FAM219A: variants seen among roughly 807,000 people sequenced by gnomAD.
The protein encoded by FAM219A is family with sequence similarity 219 member A, also known as protein FAM219A.
FAM219A carries 7 observed loss-of-function variants against 23.4 expected under a neutral mutation model. The ratio of observed to expected loss-of-function variants is 0.30; its 90% CI spans 0.17 to 0.56. The LOEUF is 0.56. Ranked by LOEUF, FAM219A falls within the 20% of genes least tolerant of loss-of-function variation. The pLI is 0.92. For synonymous variants in FAM219A, 93 were observed against 99.0 expected (o/e 0.94, Z 0.36); for missense variants, 166 against 246.9 (o/e 0.67, Z 2.20).
intron 1 of FAM219A, among the ~76,000 whole-genome samples, chr9:34,432,019 G>T (rs138363996): frequency 8.5e-5 from 13 of 152,242 alleles, no homozygotes; most frequent in African/African-American, 3.1e-4. Context: ...AATCTCTCTG[G>T]GTCTCAGTGT....
At chr9:34,416,298 G>GGAAGGAAGGAAGGAAA (rs1822025872) in intron 1 of FAM219A, among the ~76,000 whole-genome samples, 1 of 118,138 alleles carries the variant, frequency 8.5e-6, no homozygotes, top group Admixed American at 8.6e-5. Flanking sequence ...AAGGAAGGAA[G>GGAAGGAAGGAAGGAAA]GAAGGAAGGA....
Position 34,398,515 on chromosome 9 carries a change from G to A in FAM219A, c.*2449C>T. 1.3e-6 allele frequency: 1 copy of A among 752,858 alleles called. No homozygotes were observed. The highest frequency in any genetic ancestry group is 1.8e-5 in the South Asian group (1 of 56,304). The allele number at this position is 752,858 out of a possible 1,614,324, so 46.6% of individuals were successfully genotyped here. A position where few individuals can be genotyped will look rare whatever the true frequency, so the allele number is the denominator to read the frequency against. ...CAGAAGCTGCCACTGCCAGCTTCCTGCCTCTCTCTGCCACACATGCACTGC... is the reference window on the plus strand; with the variant it reads ...CAGAAGCTGCCACTGCCAGCTTCCTACCTCTCTCTGCCACACATGCACTGC... On this transcript the variant is annotated 3_prime_UTR_variant, in exon 6 of 6. Coordinates refer to ENST00000651358, the MANE Select transcript of FAM219A (RefSeq NM_001184940.2).
At chr9:34,420,703 G>A (rs1490546409) in intron 1 of FAM219A, among the ~76,000 whole-genome samples, 3 of 152,122 alleles carry the variant, frequency 2.0e-5, no homozygotes, top group Admixed American at 2.0e-4. Context: ...GACCAGGCGT[G>A]GTGGCTCATG....
chr9:34,455,465 A>ATTTTT (rs11394221), intron 1 of FAM219A, among the ~76,000 whole-genome samples: 19 of 129,684 alleles, frequency 1.5e-4, no homozygotes, highest in South Asian at 2.5e-4. Flanking sequence ...TGCTATCTTG[A>ATTTTT]TTTTTTTTTT....
intron 1 of FAM219A, among the ~76,000 whole-genome samples, chr9:34,445,408 G>A (rs1823331682): frequency 6.6e-6 from 1 of 152,214 alleles, no homozygotes; most frequent in South Asian, 2.1e-4. Context: ...CTTAGGGATT[G>A]GTTAAGAGCT....
chr9:34,438,741 C>T (rs1323207658), intron 1 of FAM219A, among the ~76,000 whole-genome samples: 9 of 152,096 alleles, frequency 5.9e-5, no homozygotes, highest in South Asian at 2.1e-4. Flanking sequence ...GGATTGTAAA[C>T]GCACCAATCA....
At chr9:34,445,423 A>G (rs1167896359) in intron 1 of FAM219A, among the ~76,000 whole-genome samples, 1 of 152,248 alleles carries the variant, frequency 6.6e-6, no homozygotes, top group Non-Finnish European at 1.5e-5. Context: ...AGAGCTCACT[A>G]GAATATTCAG....
chr9:34,435,385 A>G (rs1044952913), intron 1 of FAM219A, among the ~76,000 whole-genome samples: 1 of 152,204 alleles, frequency 6.6e-6, no homozygotes, highest in African/African-American at 2.4e-5. Flanking sequence ...GGAAAAAATG[A>G]TAGAGTCAAA....
chr9:34,401,156 CG>C (rs1821411539), intron 5 of FAM219A, 34 bp from the exon 6 acceptor site: 1 of 1,605,400 alleles, frequency 6.2e-7, no homozygotes, highest in African/African-American at 1.3e-5. Context: ...CAGGCCCGAG[CG>C]GCAGGGAGGC....
intron 1 of FAM219A, among the ~76,000 whole-genome samples, chr9:34,448,808 G>T (rs979822938): frequency 2.0e-5 from 3 of 152,076 alleles, no homozygotes; most frequent in African/African-American, 7.2e-5. Flanking sequence ...GGACACAAAG[G>T]CATAAGAATG....
intron 1 of FAM219A, among the ~76,000 whole-genome samples, chr9:34,450,883 A>T (rs1823540536): frequency 6.6e-6 from 1 of 152,110 alleles, no homozygotes; most frequent in Non-Finnish European, 1.5e-5. Flanking sequence ...ATATGTTTAG[A>T]CTTAGGGCTG....
intron 2 of FAM219A, among the ~76,000 whole-genome samples, chr9:34,403,226 C>A (rs1821516176): frequency 6.6e-6 from 1 of 152,102 alleles, no homozygotes; most frequent in African/African-American, 2.4e-5. Flanking sequence ...TAAAAGTGAG[C>A]ATAAGTGTGG....
intron 1 of FAM219A, among the ~76,000 whole-genome samples, chr9:34,415,121 AT>A (rs5897570): frequency 0.63 from 93,830 of 148,696 alleles, 29,536 homozygotes; most frequent in Middle Eastern, 0.69. Context: ...GCCTGGCTAA[AT>A]TTTTTTTTTT....
intron 1 of FAM219A, among the ~76,000 whole-genome samples, chr9:34,409,395 G>A (rs1821747904): frequency 6.6e-6 from 1 of 152,220 alleles, no homozygotes; most frequent in South Asian, 2.1e-4. Context: ...GCAGAAGGAA[G>A]TGCCTGGCTC....
intron 1 of FAM219A, among the ~76,000 whole-genome samples, chr9:34,421,675 C>CT (rs1274349088): frequency 4.6e-5 from 7 of 152,024 alleles, no homozygotes; most frequent in Admixed American, 4.6e-4. Context: ...TTCCTCTTCT[C>CT]TGAGTACACC....
At chr9:34,401,191 TCCA>T (rs1821413545) in intron 5 of FAM219A, 69 bp from the exon 6 acceptor site, 1 of 1,558,286 alleles carries the variant, frequency 6.4e-7, no homozygotes, top group Non-Finnish European at 8.7e-7. Context: ...CTGCGGCCAC[TCCA>T]GGCCGTCTGC....
In FAM219A at chr9:34,402,743, G is replaced by A. The variant is rs1376366709; in HGVS notation, c.225C>T (p.Asn75=). Residue 75 remains asparagine (N), a synonymous_variant, in exon 3 of 6, where the codon AAC becomes AAT. Transcript: ENST00000651358. ...LKNGSMGSPV[N]QQPKKNNVMA... Reference sequence around the variant, plus strand: ...TGACATTGTTCTTCTTGGGTTGCTGGTTGACAGGGCTACCCATGCTGCCAT... The same window carrying A: ...TGACATTGTTCTTCTTGGGTTGCTGATTGACAGGGCTACCCATGCTGCCAT... 6 of 1,614,068 alleles carry A rather than the reference G, an allele frequency of 3.7e-6. No homozygotes were observed. Among genetic ancestry groups the A allele is most frequent in the Non-Finnish European group, 5.1e-6 (6 of 1,180,032 alleles).
chr9:34,404,935 A>G (rs768992515), intron 2 of FAM219A, among the ~76,000 whole-genome samples: 92 of 152,352 alleles, frequency 6.0e-4, no homozygotes, highest in Admixed American at 2.1e-3. Context: ...CCTCTGTGGA[A>G]AGGAAGGAGA....
chr9:34,428,348 GT>G (rs1195489226), intron 1 of FAM219A, among the ~76,000 whole-genome samples: 1 of 152,210 alleles, frequency 6.6e-6, no homozygotes. Context: ...CCTATGAACA[GT>G]TTACCTGTGA....
Sources: allele counts gnomAD v4.1 joint callset (sites outside exome capture counted in the v4.1 genomes callset), GRCh38; gene constraint gnomAD v4.1.1; transcripts MANE v1.5; gene names NCBI Gene and HGNC (gene_info 2026-07-23, HGNC 2026-07-21).